The following ARMC2 variants were observed in gnomAD, a reference collection of about 807,000 sequenced individuals.
The protein encoded by ARMC2 is armadillo repeat containing 2, also known as armadillo repeat-containing protein 2.
ARMC2 carries 67 observed loss-of-function variants against 90.3 expected under a neutral mutation model. That is an observed-to-expected ratio of 0.74 (90% CI 0.61 to 0.91). ARMC2 has a LOEUF of 0.91. Among genes scored for constraint, ARMC2 ranks in the 40% least tolerant of loss-of-function variants. ARMC2 has a pLI of 0.00. For synonymous variants in ARMC2, 393 were observed against 393.0 expected, an observed-to-expected ratio of 1.00 and a Z score of 0.00; for missense variants, 920 against 1,030.9, an observed-to-expected ratio of 0.89 and a Z score of 1.47.
chr6:109,003,217 T>G, the ARMC2 span, among the ~76,000 whole-genome samples: 1 of 151,840 alleles, frequency 6.6e-6, no homozygotes, highest in Admixed American at 6.6e-5. Context: ...TTTAAAAATT[T>G]TTTTTAGAAT....
chr6:108,965,217 A>G, intron 17 of ARMC2, 77 bp downstream of exon 17: 1 of 1,283,974 alleles, frequency 7.8e-7, no homozygotes, highest in Non-Finnish European at 1.1e-6. Flanking sequence ...CTGTTCGGAT[A>G]AATATTAGTA....
chr6:108,955,921 C>G (rs964875885), intron 13 of ARMC2, among the ~76,000 whole-genome samples: 7 of 152,308 alleles, frequency 4.6e-5, no homozygotes, highest in African/African-American at 1.4e-4. Context: ...TTAAAATACC[C>G]TTTTTGGTTT....
At chr6:108,987,703 G>A in the ARMC2 span, 6 of 791,878 alleles carry the variant, frequency 7.6e-6, no homozygotes, top group South Asian at 1.5e-5. Flanking sequence ...TGAATCTAAT[G>A]AACACATAAA....
chr6:108,904,902 G>T (rs1339650480), intron 8 of ARMC2, among the ~76,000 whole-genome samples: 1 of 152,102 alleles, frequency 6.6e-6, no homozygotes, highest in African/African-American at 2.4e-5. Context: ...AGCTGCGTGT[G>T]GTCACAGGAA....
the ARMC2 span, chr6:109,000,415 G>T: frequency 8.7e-7 from 1 of 1,149,620 alleles, no homozygotes; most frequent in Non-Finnish European, 1.2e-6. Context: ...TACTTTCTGT[G>T]CGATTTTTCT....
chr6:108,918,972 T>G (rs1466923235), intron 10 of ARMC2, among the ~76,000 whole-genome samples: 1 of 152,214 alleles, frequency 6.6e-6, no homozygotes, highest in Non-Finnish European at 1.5e-5. Flanking sequence ...TTCAAATATT[T>G]AATCTTTTTG....
At chr6:109,040,758 T>C in the ARMC2 span, among the ~76,000 whole-genome samples, 1 of 151,788 alleles carries the variant, frequency 6.6e-6, no homozygotes, top group Non-Finnish European at 1.5e-5. Context: ...GTTCAAGCGA[T>C]TCTCCCGCCT....
the ARMC2 span, among the ~76,000 whole-genome samples, chr6:109,039,063 A>G: frequency 2.0e-5 from 3 of 150,196 alleles, no homozygotes; most frequent in East Asian, 5.9e-4. Context: ...GGAGAACAAG[A>G]AGGAGGAAGA....
chr6:108,964,609 A>G (rs1411278651), intron 16 of ARMC2, among the ~76,000 whole-genome samples: 3 of 152,138 alleles, frequency 2.0e-5, no homozygotes, highest in Admixed American at 6.6e-5. Flanking sequence ...CCCTGTCTCT[A>G]CTAAAAAGAC....
At position 108,919,538 on chromosome 6, in the gene ARMC2, A is replaced by C. The variant is rs577950369; in HGVS notation, c.1350+6980A>C. 7.9e-5 allele frequency among the ~76,000 whole-genome samples: 12 copies of C among 152,212 alleles called. No homozygotes were observed. The South Asian group carries it at 1.5e-3, about 18-fold the overall frequency. On this transcript the variant is annotated intron_variant, in intron 10 of 17. Transcript: ENST00000392644. ...GATAATTTTTTTTTGGAGATTTGAT[A>C]ATTTAAACCAAATTTAAAGCATTTA...
intron 15 of ARMC2, among the ~76,000 whole-genome samples, chr6:108,963,928 G>A (rs1016602159): frequency 5.9e-5 from 9 of 152,206 alleles, no homozygotes; most frequent in South Asian, 2.1e-4. Context: ...TTTCACTGCC[G>A]TGGAGAAGCA....
At position 108,906,928 on chromosome 6, in the gene ARMC2, C is replaced by A. The variant is rs546332072; in HGVS notation, c.1023+2523C>A. ...ACTAAGGGAGAAAAATAAAGCAGAG[C>A]AAAGGAAAGGGAGAGTAACAGGGAA... On this transcript the variant is annotated intron_variant, in intron 8 of 17. Coordinates refer to ENST00000392644, the MANE Select transcript of ARMC2 (RefSeq NM_032131.6). 2.0e-5 allele frequency among the ~76,000 whole-genome samples: 3 copies of A among 152,180 alleles called. No individual in the cohort carries two copies. In the East Asian group the frequency reaches 5.8e-4, roughly 29 times the overall value.
intron 12 of ARMC2, among the ~76,000 whole-genome samples, chr6:108,946,090 C>T (rs998095358): frequency 6.6e-6 from 1 of 152,260 alleles, no homozygotes; most frequent in East Asian, 1.9e-4. Context: ...CTGTACAATA[C>T]GCCCTTAGCT....
intron 10 of ARMC2, among the ~76,000 whole-genome samples, chr6:108,918,273 A>G (rs1446192254): frequency 6.6e-6 from 1 of 152,148 alleles, no homozygotes; most frequent in African/African-American, 2.4e-5. Context: ...AGATTTTCTC[A>G]GCAAGGATGG....
At chr6:108,997,478 C>T in the ARMC2 span, among the ~76,000 whole-genome samples, 27 of 152,290 alleles carry the variant, frequency 1.8e-4, 1 homozygote, top group African/African-American at 6.5e-4. Flanking sequence ...TATGATCAAC[C>T]TTGGGAAAAT....
rs1169831279 is a variant in ARMC2, at chr6:108,858,203, C to T, written c.223C>T (p.His75Tyr). 6.2e-7 allele frequency: 1 copy of T among 1,608,772 alleles called. No individual in the cohort carries two copies. Among genetic ancestry groups the T allele is most frequent in the African/African-American group, 1.3e-5 (1 of 74,962 alleles). Residue 75 changes from histidine to tyrosine, a missense_variant, in exon 3 of 18, where the codon CAT becomes TAT. Physicochemically the swap from His to Tyr is moderately conservative, Grantham distance 83 (BLOSUM62 2). Transcript: ENST00000392644. ...CTGCACCATCTTTTATGCTAGCCTC[C>T]ATGCATCCAGTTTTGAGTCATCTGA... ...ENRPPSSFSL[H>Y]ASSFESSDSR...
In ARMC2 at chr6:108,868,227, G is replaced by T. The variant is rs552385293; in HGVS notation, c.292-597G>T. Among the ~76,000 whole-genome samples the T allele has an allele frequency of 5.3e-4, 75 of 140,418 alleles. 1 individual carries two copies. Among genetic ancestry groups the T allele is most frequent in the South Asian group, 2.6e-3 (10 of 3,852 alleles). 92.1% of individuals were successfully genotyped at this position (140,418 alleles called of 152,430 possible). ...TTGTAGTCTTTTTTTATTTGGGGGT[G>T]GGGGGGCGGGATGGAGTCTTGCTCT... On this transcript the variant is annotated intron_variant, in intron 3 of 17. Transcript: ENST00000392644.
the ARMC2 span, among the ~76,000 whole-genome samples, chr6:109,032,018 T>A: frequency 2.6e-5 from 4 of 152,198 alleles, no homozygotes; most frequent in African/African-American, 9.6e-5. Flanking sequence ...AATTTCGTGT[T>A]AAGTACTTAT....
In ARMC2 at chr6:108,910,994, C is replaced by CATTCAT. The variant is rs776512528; in HGVS notation, c.1123_1124insATATTC (p.Ile374_Leu375insHisIle). 2 of 1,570,698 alleles carry CATTCAT rather than the reference C, an allele frequency of 1.3e-6. No individual in the cohort carries two copies. The highest frequency in any genetic ancestry group is 1.7e-6 in the Non-Finnish European group (2 of 1,154,808). On this transcript the variant is annotated inframe_insertion, in exon 9 of 18. Coordinates refer to ENST00000392644, the MANE Select transcript of ARMC2 (RefSeq NM_032131.6). ...ATGATTCTTTGATTCAAAATGACAGCATTCTGGGTGAGTGTCATTCAGTGC... is the reference window on the plus strand; with the variant it reads ...ATGATTCTTTGATTCAAAATGACAGCATTCATATTCTGGGTGAGTGTCATTCAGTGC...
Sources: allele counts gnomAD v4.1 joint callset (sites outside exome capture counted in the v4.1 genomes callset), GRCh38; gene constraint gnomAD v4.1.1; transcripts MANE v1.5; gene names NCBI Gene and HGNC (gene_info 2026-07-23, HGNC 2026-07-21).